The following TRIP4 variants were observed in gnomAD, a reference collection of about 807,000 sequenced individuals.
TRIP4 encodes the protein activating signal cointegrator 1.
Under a neutral mutation model 81.8 loss-of-function variants are expected in TRIP4, and 54 were observed. The observed-to-expected ratio is 0.66, with a 90% CI of 0.53 to 0.83. TRIP4 has a LOEUF of 0.83. Among genes scored for constraint, TRIP4 ranks in the 40% least tolerant of loss-of-function variants. The probability of loss-of-function intolerance (pLI) is 0.00; values close to 1 mark genes in which losing one functional copy is unlikely to be tolerated. For synonymous variants in TRIP4, 270 were observed against 242.8 expected (o/e 1.11, Z -1.04); for missense variants, 662 against 683.6 (o/e 0.97, Z 0.35).
chr15:64,424,389 T>A, intron 10 of TRIP4: 1 of 482,504 alleles, frequency 2.1e-6, no homozygotes, highest in Non-Finnish European at 3.5e-6. Flanking sequence ...TAGTCTTAAT[T>A]TTTTTATCTG....
At chr15:64,398,463 C>T (rs1469159860) in intron 4 of TRIP4, among the ~76,000 whole-genome samples, 4 of 145,342 alleles carry the variant, frequency 2.8e-5, no homozygotes, top group African/African-American at 7.6e-5. Flanking sequence ...TTTTAATTAG[C>T]TGGGCTGGGT....
At chr15:64,422,725 CAG>C (rs1171472644) in intron 9 of TRIP4, among the ~76,000 whole-genome samples, 3 of 152,206 alleles carry the variant, frequency 2.0e-5, no homozygotes, top group African/African-American at 7.2e-5. Context: ...AATTTTCTCA[CAG>C]AAGCGAAAGA....
At chr15:64,409,877 A>G (rs999172078) in intron 7 of TRIP4, 49 bp downstream of exon 7, 1 of 1,543,892 alleles carries the variant, frequency 6.5e-7, no homozygotes. Flanking sequence ...CAGGTTGACC[A>G]TAAAGGATTT....
intron 9 of TRIP4, among the ~76,000 whole-genome samples, chr15:64,421,460 C>T (rs373266892): frequency 1.3e-5 from 2 of 151,094 alleles, no homozygotes; most frequent in Non-Finnish European, 2.9e-5. Context: ...CTCAGCCTCT[C>T]GAGTAGCTGG....
intron 7 of TRIP4, among the ~76,000 whole-genome samples, chr15:64,411,999 G>T (rs976073916): frequency 6.6e-6 from 1 of 152,040 alleles, no homozygotes; most frequent in Non-Finnish European, 1.5e-5. Flanking sequence ...GCATACTTTT[G>T]ACTTATCAGC....
Position 64,414,156 on chromosome 15 carries a change from C to T in TRIP4, c.1115C>T (p.Ser372Phe), listed in dbSNP as rs1162857989. 1.2e-6 allele frequency: 2 copies of T among 1,614,042 alleles called. No homozygotes were observed. Among genetic ancestry groups the T allele is most frequent in the East Asian group, 2.2e-5 (1 of 44,888 alleles). Residue 372 changes from serine to phenylalanine, a missense_variant, in exon 8 of 13, where the codon TCT becomes TTT. Ser to Phe is a radical substitution (Grantham distance 155). Coordinates refer to ENST00000261884, the MANE Select transcript of TRIP4 (RefSeq NM_016213.5). ...NQPLTKLDRS[S>F]EEPLGVLVNP... ...CCACTGACCAAATTGGATAGATCTT[C>T]TGAAGAGCCTTTGGGAGTTCTGGTA... is the stretch of plus-strand genomic sequence containing the variant.
chr15:64,425,159 G>GC (rs1555410667), intron 10 of TRIP4, among the ~76,000 whole-genome samples: 2 of 149,510 alleles, frequency 1.3e-5, no homozygotes, highest in Non-Finnish European at 3.0e-5. Context: ...ACATTTTGAT[G>GC]TTTTTTTTTT....
At chr15:64,391,905 A>T (rs559859527) in intron 1 of TRIP4, among the ~76,000 whole-genome samples, 10 of 133,350 alleles carry the variant, frequency 7.5e-5, no homozygotes, top group African/African-American at 2.8e-4. Flanking sequence ...TAGGAGCCAG[A>T]GGTTGCAGTG....
chr15:64,435,599 A>G (rs1044422871), intron 11 of TRIP4, among the ~76,000 whole-genome samples: 3 of 151,230 alleles, frequency 2.0e-5, no homozygotes, highest in South Asian at 4.2e-4. Flanking sequence ...TTTATTAACT[A>G]TCTGTCATGT....
intron 11 of TRIP4, among the ~76,000 whole-genome samples, chr15:64,432,589 G>A (rs1390873906): frequency 2.8e-4 from 40 of 142,318 alleles, no homozygotes; most frequent in East Asian, 1.7e-3. Flanking sequence ...CAGCCTGGGT[G>A]ACAGAGCAAG....
intron 11 of TRIP4, among the ~76,000 whole-genome samples, chr15:64,434,861 G>A (rs931099190): frequency 6.6e-6 from 1 of 152,026 alleles, no homozygotes; most frequent in South Asian, 2.1e-4. Context: ...AATCTGTTCA[G>A]GACTCCTTGG....
intron 11 of TRIP4, among the ~76,000 whole-genome samples, chr15:64,435,646 T>A (rs1892375610): frequency 6.6e-6 from 1 of 150,650 alleles, no homozygotes; most frequent in African/African-American, 2.4e-5. Context: ...ATCCAGAGTT[T>A]TAACAACATT....
chr15:64,424,225 C>A, intron 10 of TRIP4, 70 bp downstream of exon 10: 1 of 1,589,956 alleles, frequency 6.3e-7, no homozygotes, highest in Non-Finnish European at 8.6e-7. Context: ...TCTTCTTTCA[C>A]TTCCTTCTTT....
chr15:64,408,678 A>G (rs1284125421), intron 6 of TRIP4, among the ~76,000 whole-genome samples: 1 of 152,142 alleles, frequency 6.6e-6, no homozygotes, highest in Non-Finnish European at 1.5e-5. Flanking sequence ...GGGAAACGTA[A>G]TCTTAACTGG....
chr15:64,430,894 G>C (rs902133645), intron 11 of TRIP4, among the ~76,000 whole-genome samples: 1 of 151,988 alleles, frequency 6.6e-6, no homozygotes, highest in African/African-American at 2.4e-5. Flanking sequence ...CTTCCAATAG[G>C]GAAGAGAATA....
chr15:64,413,983 A>G, intron 7 of TRIP4, 102 bp from the exon 8 acceptor site: 1 of 1,377,250 alleles, frequency 7.3e-7, no homozygotes, highest in Non-Finnish European at 9.9e-7. Flanking sequence ...ACTCCTCTTT[A>G]TATTCCAAAT....
At chr15:64,398,759 A>C (rs1900369537) in intron 4 of TRIP4, among the ~76,000 whole-genome samples, 1 of 151,976 alleles carries the variant, frequency 6.6e-6, no homozygotes, top group African/African-American at 2.4e-5. Context: ...TGAGAGAATG[A>C]CCTCAAGAAT....
chr15:64,427,378 TTACTC>T (rs1286612285), intron 11 of TRIP4, among the ~76,000 whole-genome samples: 7 of 152,256 alleles, frequency 4.6e-5, no homozygotes, highest in Admixed American at 4.6e-4. Flanking sequence ...TCTCTATTCT[TTACTC>T]TTTATTTATT....
In TRIP4 at chr15:64,449,271, G is replaced by GT. The variant is rs1258427389; in HGVS notation, c.1678+4171dup. Reference sequence around the variant, plus strand: ...TTATAACACTGTGGCTTAAATGTTTGTTTTTTTTGTTTGTTTTTGTTTTTT... The same window carrying GT: ...TTATAACACTGTGGCTTAAATGTTTGTTTTTTTTTGTTTGTTTTTGTTTTTT... On this transcript the variant is annotated intron_variant, in intron 12 of 12. Coordinates refer to ENST00000261884, the MANE Select transcript of TRIP4 (RefSeq NM_016213.5). Among the ~76,000 whole-genome samples, 1,108 of 148,224 alleles carry GT rather than the reference G, an allele frequency of 7.5e-3. 15 individuals carry two copies. The highest frequency in any genetic ancestry group is 0.024 in the African/African-American group (981 of 40,338).
Sources: allele counts gnomAD v4.1 joint callset (sites outside exome capture counted in the v4.1 genomes callset), GRCh38; gene constraint gnomAD v4.1.1; transcripts MANE v1.5; gene names NCBI Gene and HGNC (gene_info 2026-07-23, HGNC 2026-07-21).